Variants in ANO2 observed in about 807,000 individuals in gnomAD.
ANO2 encodes the protein anoctamin-2.
ANO2 carries 101 observed loss-of-function variants against 124.2 expected under a neutral mutation model. The observed-to-expected ratio is 0.81, with a 90% CI of 0.69 to 0.96. The LOEUF (loss-of-function observed/expected upper bound fraction) is 0.96, where lower values mean the gene tolerates loss of function less well. ANO2 is among the 40% of genes least tolerant of loss of function. The probability of loss-of-function intolerance (pLI) is 0.00; values close to 1 mark genes in which losing one functional copy is unlikely to be tolerated. For synonymous variants in ANO2, 486 were observed against 482.5 expected (o/e 1.01, Z -0.09); for missense variants, 1,293 against 1,274.5 (o/e 1.01, Z -0.22).
At chr12:5,753,976 C>A (rs1591573450) in intron 10 of ANO2, among the ~76,000 whole-genome samples, 1 of 151,992 alleles carries the variant, frequency 6.6e-6, no homozygotes, top group African/African-American at 2.4e-5. Flanking sequence ...AGAAAAAAAA[C>A]TTTTTTTACT....
chr12:5,718,361 G>T (rs959089603), intron 14 of ANO2, among the ~76,000 whole-genome samples: 1 of 152,208 alleles, frequency 6.6e-6, no homozygotes, highest in Non-Finnish European at 1.5e-5. Flanking sequence ...AGTGCCCAAG[G>T]CACAGGAACA....
chr12:5,896,876 GA>G (rs1939827431), intron 3 of ANO2, among the ~76,000 whole-genome samples: 1 of 152,010 alleles, frequency 6.6e-6, no homozygotes, highest in African/African-American at 2.4e-5. Flanking sequence ...AGTTTTGGAA[GA>G]AAAAAATTCC....
intron 10 of ANO2, among the ~76,000 whole-genome samples, chr12:5,797,310 A>G (rs984853950): frequency 6.6e-6 from 1 of 152,158 alleles, no homozygotes; most frequent in Non-Finnish European, 1.5e-5. Flanking sequence ...AAGAATCCCC[A>G]AGACTCACAG....
At chr12:5,941,416 C>T (rs2136327249) in intron 1 of ANO2, among the ~76,000 whole-genome samples, 2 of 152,050 alleles carry the variant, frequency 1.3e-5, no homozygotes, top group East Asian at 3.9e-4. Flanking sequence ...GTAATCAAAT[C>T]TAGAGAGCAG....
chr12:5,588,335 T>C (rs1317933140), intron 20 of ANO2, among the ~76,000 whole-genome samples: 1 of 152,166 alleles, frequency 6.6e-6, no homozygotes, highest in Non-Finnish European at 1.5e-5. Flanking sequence ...GTCTAGCCAG[T>C]TAGGAAGGAG....
intron 3 of ANO2, among the ~76,000 whole-genome samples, chr12:5,898,641 T>C (rs1939959160): frequency 6.6e-6 from 1 of 152,130 alleles, no homozygotes; most frequent in Admixed American, 6.5e-5. Flanking sequence ...ACAAAATACA[T>C]ATTATACGAT....
intron 20 of ANO2, among the ~76,000 whole-genome samples, chr12:5,579,669 T>A (rs536917934): frequency 1.3e-5 from 2 of 152,218 alleles, no homozygotes; most frequent in Non-Finnish European, 2.9e-5. Context: ...GGCTCCACTC[T>A]GTTCACTGAA....
intron 16 of ANO2, among the ~76,000 whole-genome samples, chr12:5,625,158 T>C (rs967356320): frequency 6.6e-6 from 1 of 152,080 alleles, no homozygotes; most frequent in African/African-American, 2.4e-5. Context: ...GTGACAAAAT[T>C]AAATTTTTAA....
chr12:5,922,589 T>TGGCCC lies in ANO2; in HGVS notation c.207+30_207+31insGGGCC. 2.8e-6 allele frequency: 4 copies of TGGCCC among 1,449,812 alleles called. No individual in the cohort carries two copies. The African/African-American group carries it at 5.8e-5, about 21-fold the overall frequency. 89.8% of individuals were successfully genotyped at this position (1,449,812 alleles called of 1,614,324 possible). ...GGTGGCCTGCAACAGGGCTGGCCTA[T>TGGCCC]CCCCCCACCCCACCCCCGCCCAGTA... On this transcript the variant is annotated intron_variant, in intron 2 of 24. Coordinates refer to ENST00000682330, the MANE Select transcript of ANO2 (RefSeq NM_001364791.2).
intron 1 of ANO2, among the ~76,000 whole-genome samples, chr12:5,923,094 G>GCGCACA (rs141508150): frequency 1.5e-4 from 4 of 27,056 alleles, no homozygotes; most frequent in African/African-American, 4.5e-4. Context: ...ACACACACAC[G>GCGCACA]CACACACATA....
intron 7 of ANO2, among the ~76,000 whole-genome samples, chr12:5,813,356 T>A (rs968556029): frequency 6.6e-6 from 1 of 152,300 alleles, no homozygotes; most frequent in African/African-American, 2.4e-5. Flanking sequence ...TCTTTATTTT[T>A]ATCTTTTTCT....
intron 7 of ANO2, among the ~76,000 whole-genome samples, chr12:5,815,336 A>T (rs1341069266): frequency 6.6e-6 from 1 of 152,214 alleles, no homozygotes; most frequent in Non-Finnish European, 1.5e-5. Context: ...AATTCAAGAA[A>T]TCAGAGCAGT....
At chr12:5,917,483 T>C (rs948179031) in intron 3 of ANO2, among the ~76,000 whole-genome samples, 1 of 152,148 alleles carries the variant, frequency 6.6e-6, no homozygotes, top group Non-Finnish European at 1.5e-5. Flanking sequence ...TTGTTAGTGT[T>C]CTAGGTACTT....
chr12:5,830,189 T>C (rs1327477382), intron 6 of ANO2, among the ~76,000 whole-genome samples: 2 of 152,206 alleles, frequency 1.3e-5, no homozygotes, highest in African/African-American at 4.8e-5. Flanking sequence ...TTTTCTTTTT[T>C]TTCTAAGAAG....
intron 7 of ANO2, among the ~76,000 whole-genome samples, chr12:5,811,647 T>C (rs1953394275): frequency 6.6e-6 from 1 of 152,240 alleles, no homozygotes; most frequent in Non-Finnish European, 1.5e-5. Context: ...TCCTCTGATA[T>C]GGTCAATGAG....
chr12:5,703,226 G>C (rs933673335), intron 14 of ANO2, among the ~76,000 whole-genome samples: 14 of 152,264 alleles, frequency 9.2e-5, no homozygotes, highest in African/African-American at 3.4e-4. Context: ...TTAAGAAAAA[G>C]AGCAAAATGC....
intron 5 of ANO2, 27 bp downstream of exon 5, chr12:5,832,425 C>T: frequency 6.2e-7 from 1 of 1,613,342 alleles, no homozygotes; most frequent in Non-Finnish European, 8.5e-7. Flanking sequence ...CTTCCCACAT[C>T]TCTGCTCCAG....
intron 17 of ANO2, among the ~76,000 whole-genome samples, chr12:5,613,556 C>T (rs1281202491): frequency 2.0e-5 from 3 of 152,154 alleles, no homozygotes; most frequent in East Asian, 1.9e-4. Flanking sequence ...TAAAAGCCCA[C>T]CATGGAACCA....
chr12:5,945,697 G>C (rs1217248031), upstream of ANO2, among the ~76,000 whole-genome samples: 1 of 152,240 alleles, frequency 6.6e-6, no homozygotes, highest in African/African-American at 2.4e-5. Flanking sequence ...GGGCGGGAGT[G>C]GGGGCGAGCC....
Sources: gnomAD v4.1 joint callset for allele counts (sites outside exome capture counted in the v4.1 genomes callset) on GRCh38, gnomAD v4.1.1 for gene constraint, MANE v1.5 for transcripts, NCBI Gene and HGNC (gene_info 2026-07-23, HGNC 2026-07-21) for gene names.